The following CNTNAP5 variants were observed in gnomAD, a reference collection of about 807,000 sequenced individuals.
CNTNAP5 encodes contactin associated protein family member 5, also known as contactin-associated protein-like 5.
Under a neutral mutation model 150.2 loss-of-function variants are expected in CNTNAP5, and 72 were observed. That is an observed-to-expected ratio of 0.48 (90% CI 0.40 to 0.58). The LOEUF is 0.58. Among genes scored for constraint, CNTNAP5 ranks in the 20% least tolerant of loss-of-function variants. The pLI is 0.00. For missense variants in CNTNAP5, 1,636 were observed against 1,626.2 expected (o/e 1.01, Z -0.10); for synonymous variants, 672 against 619.8 (o/e 1.08, Z -1.25).
intron 7 of CNTNAP5, among the ~76,000 whole-genome samples, chr2:124,498,479 T>C (rs1694202395): frequency 6.6e-6 from 1 of 152,204 alleles, no homozygotes. Flanking sequence ...TATTTACTTT[T>C]TAAATAGAGA....
rs550913249 is a variant in CNTNAP5, at chr2:124,362,085, G to A, written c.382-55358G>A. On this transcript the variant is annotated intron_variant, in intron 3 of 23. Coordinates refer to ENST00000682447, the MANE Select transcript of CNTNAP5 (RefSeq NM_001367498.1). ...TGACCCGATTTTCCCGGTGCTGTCCGTCACCCCTTTCTTTGACTCGGAAAG... is the reference window on the plus strand; with the variant it reads ...TGACCCGATTTTCCCGGTGCTGTCCATCACCCCTTTCTTTGACTCGGAAAG... Among the ~76,000 whole-genome samples the A allele has an allele frequency of 1.9e-4, 29 of 152,296 alleles. No homozygotes were observed. In the South Asian group the frequency reaches 2.7e-3, roughly 14 times the overall value.
chr2:124,718,597 A>G (rs190558116), intron 13 of CNTNAP5, among the ~76,000 whole-genome samples: 1 of 152,240 alleles, frequency 6.6e-6, no homozygotes, highest in East Asian at 1.9e-4. Flanking sequence ...GTTGGTGATT[A>G]TGTATGTGGA....
Position 124,845,717 on chromosome 2 carries a change from G to A in CNTNAP5, c.3218-19589G>A, listed in dbSNP as rs781680995. Among the ~76,000 whole-genome samples, 147 of 151,930 alleles carry A rather than the reference G, an allele frequency of 9.7e-4. 4 individuals are homozygous for A. The highest frequency in any genetic ancestry group is 3.8e-4 in the Non-Finnish European group (26 of 67,966). On this transcript the variant is annotated intron_variant, in intron 19 of 23. Transcript: ENST00000682447. Reference sequence around the variant, plus strand: ...ATACCTTTCTCATTTAATCTAGGACGGTTGTGTATTTCCAGGAATGTATCC... The same window carrying A: ...ATACCTTTCTCATTTAATCTAGGACAGTTGTGTATTTCCAGGAATGTATCC...
intron 13 of CNTNAP5, among the ~76,000 whole-genome samples, chr2:124,705,265 C>T (rs1679609783): frequency 6.6e-6 from 1 of 152,114 alleles, no homozygotes; most frequent in African/African-American, 2.4e-5. Flanking sequence ...AGGTGGCTCA[C>T]ACCTGTAATC....
chr2:124,788,199 G>T (rs1681639524), intron 17 of CNTNAP5, among the ~76,000 whole-genome samples: 1 of 152,156 alleles, frequency 6.6e-6, no homozygotes, highest in Non-Finnish European at 1.5e-5. Flanking sequence ...AGCTTAATTT[G>T]CCGGCTTGTC....
intron 3 of CNTNAP5, among the ~76,000 whole-genome samples, chr2:124,330,538 T>C (rs902044776): frequency 3.1e-4 from 47 of 152,270 alleles, no homozygotes; most frequent in African/African-American, 1.1e-3. Flanking sequence ...GTTTTATAAA[T>C]GGCTCTTCCT....
chr2:124,628,763 A>G (rs1416193411), intron 12 of CNTNAP5, among the ~76,000 whole-genome samples: 1 of 152,162 alleles, frequency 6.6e-6, no homozygotes. Flanking sequence ...AAAGACACAG[A>G]ATGGAAACCT....
intron 1 of CNTNAP5, among the ~76,000 whole-genome samples, chr2:124,042,528 G>T (rs187084863): frequency 1.4e-3 from 212 of 152,250 alleles, no homozygotes; most frequent in African/African-American, 4.8e-3. Flanking sequence ...GGGACTGAGG[G>T]TACATATCCT....
At chr2:124,271,372 C>T (rs1167500307) in intron 3 of CNTNAP5, among the ~76,000 whole-genome samples, 1 of 152,014 alleles carries the variant, frequency 6.6e-6, no homozygotes, top group Non-Finnish European at 1.5e-5. Context: ...ATGTCTGGGC[C>T]AGGAGACTGC....
intron 3 of CNTNAP5, among the ~76,000 whole-genome samples, chr2:124,242,893 C>A (rs997775987): frequency 3.3e-5 from 5 of 152,138 alleles, no homozygotes; most frequent in African/African-American, 1.2e-4. Flanking sequence ...CACGAAGCAG[C>A]TTCTATTGTA....
intron 12 of CNTNAP5, among the ~76,000 whole-genome samples, chr2:124,647,549 G>T (rs1331206502): frequency 6.6e-6 from 1 of 152,166 alleles, no homozygotes; most frequent in African/African-American, 2.4e-5. Flanking sequence ...TGGGAAAAGG[G>T]CTCCGCAAAT....
intron 3 of CNTNAP5, among the ~76,000 whole-genome samples, chr2:124,379,533 C>T (rs567324829): frequency 3.0e-4 from 45 of 152,162 alleles, no homozygotes; most frequent in African/African-American, 9.6e-4. Context: ...TCTGGACATA[C>T]CACAGTTTAT....
At chr2:124,074,799 A>G (rs1467657106) in intron 1 of CNTNAP5, among the ~76,000 whole-genome samples, 3 of 152,162 alleles carry the variant, frequency 2.0e-5, no homozygotes, top group African/African-American at 4.8e-5. Context: ...CATCATCATC[A>G]TCATTATCAT....
chr2:124,229,008 A>G (rs530170704), intron 2 of CNTNAP5, among the ~76,000 whole-genome samples: 1 of 152,140 alleles, frequency 6.6e-6, no homozygotes, highest in African/African-American at 2.4e-5. Flanking sequence ...CTTGATGATT[A>G]TATAAAACCT....
At position 124,479,509 on chromosome 2, in the gene CNTNAP5, A is replaced by G. The variant is rs940275357; in HGVS notation, c.1062+4627A>G. Among the ~76,000 whole-genome samples, 2 of 152,206 alleles carry G rather than the reference A, an allele frequency of 1.3e-5. 1 individual carries two copies. The highest frequency in any genetic ancestry group is 4.1e-4 in the South Asian group (2 of 4,830). ...ACTTTGTCTTCAATAGAAGGGAAGAAAATGCAAATAACTAATAGGAAGACT... is the reference window on the plus strand; with the variant it reads ...ACTTTGTCTTCAATAGAAGGGAAGAGAATGCAAATAACTAATAGGAAGACT... On this transcript the variant is annotated intron_variant, in intron 7 of 23. Transcript: ENST00000682447.
At chr2:124,878,025 C>T (rs1036943952) in intron 21 of CNTNAP5, among the ~76,000 whole-genome samples, 3 of 152,050 alleles carry the variant, frequency 2.0e-5, no homozygotes, top group African/African-American at 7.2e-5. Flanking sequence ...TATCACATAA[C>T]CAGTAAGTGT....
intron 13 of CNTNAP5, among the ~76,000 whole-genome samples, chr2:124,655,598 A>G (rs961562545): frequency 1.3e-5 from 2 of 151,986 alleles, no homozygotes; most frequent in Non-Finnish European, 2.9e-5. Flanking sequence ...TACAACAAGA[A>G]TATAATAAAC....
intron 2 of CNTNAP5, among the ~76,000 whole-genome samples, chr2:124,235,930 C>G (rs1686734344): frequency 6.7e-6 from 1 of 148,260 alleles, no homozygotes; most frequent in Admixed American, 6.8e-5. Context: ...GGTGTGTTGG[C>G]AAGTTCCCAC....
Position 124,141,023 on chromosome 2 carries a change from G to A in CNTNAP5, c.83-80682G>A, listed in dbSNP as rs1449687576. Reference sequence around the variant, plus strand: ...GCCTCAGGAGCCGATGCGATCAACTGGAAGAAAGGGTATCAGCAATGGAAG... The same window carrying A: ...GCCTCAGGAGCCGATGCGATCAACTAGAAGAAAGGGTATCAGCAATGGAAG... On this transcript the variant is annotated intron_variant, in intron 1 of 23. Transcript: ENST00000682447. Among the ~76,000 whole-genome samples the A allele has an allele frequency of 6.5e-3, 302 of 46,480 alleles. 38 individuals carry two copies. Among genetic ancestry groups the A allele is most frequent in the African/African-American group, 0.02 (290 of 14,176 alleles). 30.5% of individuals were successfully genotyped at this position (46,480 alleles called of 152,430 possible). A position where few individuals can be genotyped will look rare whatever the true frequency, so the allele number is the denominator to read the frequency against.
Sources: allele counts gnomAD v4.1 joint callset (sites outside exome capture counted in the v4.1 genomes callset), GRCh38; gene constraint gnomAD v4.1.1; transcripts MANE v1.5; gene names NCBI Gene and HGNC (gene_info 2026-07-23, HGNC 2026-07-21).